ERI3: variants seen among roughly 807,000 people sequenced by gnomAD.
ERI3 encodes the protein ERI1 exoribonuclease family member 3.
A neutral mutation model predicts 44.4 loss-of-function variants in ERI3; 18 were observed. The ratio of observed to expected loss-of-function variants is 0.41; its 90% CI spans 0.28 to 0.60. The LOEUF (loss-of-function observed/expected upper bound fraction) is 0.60. Ranked by LOEUF, ERI3 falls within the 20% of genes least tolerant of loss-of-function variation. The pLI is 0.36. For missense variants in ERI3, 294 were observed against 435.5 expected, an observed-to-expected ratio of 0.68 and a Z score of 2.89; for synonymous variants, 183 against 164.8, an observed-to-expected ratio of 1.11 and a Z score of -0.84.
At chr1:44,240,060 G>A (rs1644400125) in intron 8 of ERI3, among the ~76,000 whole-genome samples, 1 of 152,264 alleles carries the variant, frequency 6.6e-6, no homozygotes, top group South Asian at 2.1e-4. Context: ...CAGGGACCCA[G>A]TTTTGGAGGG....
At chr1:44,242,045 C>T (rs1315840151) in intron 8 of ERI3, 2 of 985,626 alleles carry the variant, frequency 2.0e-6, no homozygotes, top group African/African-American at 1.7e-5. Context: ...CCAGCACCCT[C>T]TCCCCAGGCA....
At chr1:44,331,278 G>A (rs1646422358) in intron 3 of ERI3, among the ~76,000 whole-genome samples, 4 of 151,908 alleles carry the variant, frequency 2.6e-5, no homozygotes, top group African/African-American at 9.7e-5. Context: ...GTAGGTCCTA[G>A]CAGATCCAGA....
intron 5 of ERI3, among the ~76,000 whole-genome samples, chr1:44,310,210 C>T (rs1645924061): frequency 6.6e-6 from 1 of 152,144 alleles, no homozygotes; most frequent in Admixed American, 6.5e-5. Flanking sequence ...AAGTGGCTAG[C>T]CCTACCTTTC....
chr1:44,270,344 A>C (rs1385513470), intron 7 of ERI3, among the ~76,000 whole-genome samples: 1 of 152,156 alleles, frequency 6.6e-6, no homozygotes, highest in Non-Finnish European at 1.5e-5. Context: ...AGCTCTGTGG[A>C]TTAAGAGAAG....
chr1:44,233,882 G>A lies in ERI3; in HGVS notation c.932-12242C>T, dbSNP rs190079988. On this transcript the variant is annotated intron_variant, in intron 8 of 8. Coordinates refer to ENST00000372257, the MANE Select transcript of ERI3 (RefSeq NM_024066.3). ...CTTATTTCCTCATCTCCCACCTTGC[G>A]ATCTGATCACTGCTCTACCAACACT... is the stretch of plus-strand genomic sequence containing the variant. Among the ~76,000 whole-genome samples, 97 of 152,162 alleles carry A rather than the reference G, an allele frequency of 6.4e-4. No homozygotes were observed. The East Asian group carries it at 0.011, about 17-fold the overall frequency.
rs1644708583 is a variant in ERI3 at position 44,252,761 on chromosome 1, C to T, written c.832-4723G>A. ...CAGCTGCTATGGTATCTCTGCCCAC[C>T]CATATACTACCTACCAGGACCCTCA... On this transcript the variant is annotated intron_variant, in intron 7 of 8. Coordinates refer to ENST00000372257, the MANE Select transcript of ERI3 (RefSeq NM_024066.3). The surrounding 1 kb of genome is among the most constrained non-coding windows in gnomAD (Gnocchi z 4.7). Among the ~76,000 whole-genome samples, 1 of 152,194 alleles carries T rather than the reference C, an allele frequency of 6.6e-6. No individual in the cohort carries two copies. Among genetic ancestry groups the T allele is most frequent in the Non-Finnish European group, 1.5e-5 (1 of 68,032 alleles).
At chr1:44,248,702 AGTGTGTGT>A (rs143570480) in intron 7 of ERI3, among the ~76,000 whole-genome samples, 2 of 148,380 alleles carry the variant, frequency 1.3e-5, no homozygotes, top group African/African-American at 2.5e-5. Context: ...TGTGAGAGAG[AGTGTGTGT>A]GTGTGTGTGT....
intron 2 of ERI3, among the ~76,000 whole-genome samples, chr1:44,348,288 C>T (rs757835314): frequency 5.3e-5 from 8 of 152,080 alleles, no homozygotes; most frequent in Non-Finnish European, 1.2e-4. Context: ...GCCTTGGTGC[C>T]GGAATACCAT....
chr1:44,314,545 C>A (rs184556734), intron 4 of ERI3, among the ~76,000 whole-genome samples: 30 of 152,326 alleles, frequency 2.0e-4, no homozygotes. Flanking sequence ...CTTTAACCCA[C>A]AGCATGCCCA....
chr1:44,226,494 G>A (rs1207983862), intron 8 of ERI3, among the ~76,000 whole-genome samples: 1 of 152,114 alleles, frequency 6.6e-6, no homozygotes, highest in Non-Finnish European at 1.5e-5. Flanking sequence ...CCCAGAACAG[G>A]CCAGTGGCAG....
chr1:44,310,989 A>T (rs1229925499), intron 5 of ERI3, among the ~76,000 whole-genome samples: 1 of 150,692 alleles, frequency 6.6e-6, no homozygotes, highest in Non-Finnish European at 1.5e-5. Context: ...ACACACACAC[A>T]CACACACACA....
intron 3 of ERI3, among the ~76,000 whole-genome samples, chr1:44,325,075 CTTTTTT>C (rs3054114): frequency 1.1e-5 from 1 of 93,918 alleles, no homozygotes; most frequent in Non-Finnish European, 2.1e-5. Flanking sequence ...TTAAACACAG[CTTTTTT>C]TTTTTTTTTT....
chr1:44,353,064 G>A (rs1646928745), intron 1 of ERI3, 139 bp from the exon 2 acceptor site: 1 of 1,480,836 alleles, frequency 6.8e-7, no homozygotes, highest in Non-Finnish European at 8.9e-7. Flanking sequence ...TGCCCCCACA[G>A]AGCTTTCAGA....
At chr1:44,286,242 G>A (rs1192705191) in intron 6 of ERI3, among the ~76,000 whole-genome samples, 1 of 152,142 alleles carries the variant, frequency 6.6e-6, no homozygotes, top group African/African-American at 2.4e-5. Context: ...CCAAACTGTG[G>A]GAGAACTGCT....
At chr1:44,318,048 C>T (rs570368638) in intron 4 of ERI3, among the ~76,000 whole-genome samples, 1 of 152,304 alleles carries the variant, frequency 6.6e-6, no homozygotes, top group African/African-American at 2.4e-5. Context: ...TATGTGCATC[C>T]TTGGGTGAAG....
intron 6 of ERI3, among the ~76,000 whole-genome samples, chr1:44,288,596 G>A (rs1325441661): frequency 6.6e-6 from 1 of 152,192 alleles, no homozygotes; most frequent in Non-Finnish European, 1.5e-5. Flanking sequence ...ACTCAGAGAA[G>A]AAAAGGATTT....
chr1:44,290,808 T>C (rs1645490893), intron 6 of ERI3, among the ~76,000 whole-genome samples: 1 of 152,094 alleles, frequency 6.6e-6, no homozygotes, highest in Non-Finnish European at 1.5e-5. Context: ...AATTTGGTTA[T>C]CAGGAAGGGC....
intron 4 of ERI3, 93 bp from the exon 5 acceptor site, chr1:44,313,321 T>C: frequency 1.7e-6 from 2 of 1,206,456 alleles, no homozygotes; most frequent in Non-Finnish European, 2.4e-6. Flanking sequence ...TTTCTCCTTC[T>C]GTTGTAAAGG....
At chr1:44,335,354 C>CAAA (rs112554874) in intron 3 of ERI3, among the ~76,000 whole-genome samples, 3 of 117,698 alleles carry the variant, frequency 2.5e-5, no homozygotes, top group African/African-American at 9.6e-5. Context: ...GACTCTGTCT[C>CAAA]AAAAAAAAAA....
Sources: gnomAD v4.1 joint callset for allele counts (sites outside exome capture counted in the v4.1 genomes callset) on GRCh38, gnomAD v4.1.1 for gene constraint, Gnocchi (gnomAD v3.1) non-coding constraint, MANE v1.5 for transcripts, NCBI Gene and HGNC (gene_info 2026-07-23, HGNC 2026-07-21) for gene names.